Variants in ITGA3 observed in about 807,000 individuals in gnomAD.
ITGA3 encodes the protein integrin subunit alpha 3, also known as integrin alpha-3.
ITGA3 carries 70 observed loss-of-function variants against 131.1 expected under a neutral mutation model. That is an observed-to-expected ratio of 0.53 (90% CI 0.44 to 0.65). ITGA3 has a LOEUF of 0.65. ITGA3 is among the 30% of genes least tolerant of loss of function. The pLI is 0.00. For missense variants in ITGA3, 1,098 were observed against 1,388.6 expected, an observed-to-expected ratio of 0.79 and a Z score of 3.33; for synonymous variants, 537 against 571.6, an observed-to-expected ratio of 0.94 and a Z score of 0.86.
At chr17:50,057,298 C>G (rs1907876540) in intron 1 of ITGA3, among the ~76,000 whole-genome samples, 1 of 152,232 alleles carries the variant, frequency 6.6e-6, no homozygotes, top group South Asian at 2.1e-4. Flanking sequence ...CAGTGGCACT[C>G]TCCCCGCAGA....
intron 23 of ITGA3, among the ~76,000 whole-genome samples, chr17:50,084,062 C>T (rs529586791): frequency 2.2e-3 from 333 of 151,224 alleles, no homozygotes; most frequent in African/African-American, 7.6e-3. Flanking sequence ...GGTGAAACCC[C>T]ATCTGTATTA....
At chr17:50,060,554 C>T (rs929090079) in intron 1 of ITGA3, among the ~76,000 whole-genome samples, 3 of 152,240 alleles carry the variant, frequency 2.0e-5, no homozygotes, top group Middle Eastern at 3.4e-3. Context: ...CAAGGGGCTC[C>T]GCAGAGGCCA....
Position 50,076,328 on chromosome 17 carries a change from C to A in ITGA3, c.1677C>A (p.Asp559Glu). The part of the protein sequence containing the change: ...RCQKLELLLM[D>E]NLRDKLRPII... ...CTCAGCTCACCCTCTCTCCCCAGGA[C>A]AACCTCCGTGACAAACTCCGCCCCA... The change falls in exon 13 of 26, where the codon GAC (aspartate) becomes GAA (glutamate). Residue 559 changes from aspartate (D) to glutamate (E), a missense_variant and splice_region_variant. Asp to Glu is a conservative substitution (Grantham distance 45). Coordinates refer to ENST00000320031, the MANE Select transcript of ITGA3 (RefSeq NM_002204.4). The A allele has an allele frequency of 6.2e-7, 1 of 1,613,310 alleles. No individual in the cohort carries two copies. The highest frequency in any genetic ancestry group is 8.5e-7 in the Non-Finnish European group (1 of 1,179,754).
intron 23 of ITGA3, among the ~76,000 whole-genome samples, chr17:50,085,542 T>C (rs111335678): frequency 1.3e-5 from 2 of 151,608 alleles, no homozygotes; most frequent in East Asian, 3.9e-4. Context: ...TGGGCACCTG[T>C]AATCTCAGAA....
intron 4 of ITGA3, among the ~76,000 whole-genome samples, chr17:50,068,559 G>GAAGCGGAGGCTCACT (rs1908445622): frequency 2.0e-5 from 3 of 151,838 alleles, no homozygotes; most frequent in Admixed American, 6.6e-5. Flanking sequence ...GGAGTGCAGT[G>GAAGCGGAGGCTCACT]GCACATTCAT....
intron 1 of ITGA3, 191 bp from the exon 2 acceptor site, chr17:50,063,886 A>G: frequency 5.7e-6 from 4 of 696,696 alleles, no homozygotes; most frequent in Non-Finnish European, 9.3e-6. Context: ...CCTGCTTCCC[A>G]CTCCCGGGGC....
chr17:50,075,357 C>CA (rs1908831729), intron 10 of ITGA3, 102 bp from the exon 11 acceptor site: 2 of 1,238,248 alleles, frequency 1.6e-6, no homozygotes, highest in Non-Finnish European at 2.4e-6. Context: ...TGCCTCTCTC[C>CA]AGAAGGGCCT....
At chr17:50,068,988 C>G (rs1210707758) in intron 4 of ITGA3, among the ~76,000 whole-genome samples, 2 of 151,962 alleles carry the variant, frequency 1.3e-5, no homozygotes, top group African/African-American at 4.8e-5. Flanking sequence ...GCTGGGACTA[C>G]AGGTGCCCGC....
In ITGA3 at chr17:50,071,393, G is replaced by A. The variant is rs746833221; in HGVS notation, c.834G>A (p.Met278Ile). 16 of 1,614,190 alleles carry A rather than the reference G, an allele frequency of 9.9e-6. No individual in the cohort carries two copies. In the South Asian group the frequency reaches 1.8e-4, roughly 18 times the overall value. ...IVTGAPRHRH[M>I]GAVFLLSQEA... ...CAGGTGCCCCACGGCACCGACATATGGGCGCGGTGTTCTTGCTGAGCCAGG... is the reference window on the plus strand; with the variant it reads ...CAGGTGCCCCACGGCACCGACATATAGGCGCGGTGTTCTTGCTGAGCCAGG... Residue 278 changes from methionine (M) to isoleucine (I), a missense_variant, in exon 6 of 26, where the codon ATG (methionine) becomes ATA (isoleucine). Coordinates refer to ENST00000320031, the MANE Select transcript of ITGA3 (RefSeq NM_002204.4).
intron 6 of ITGA3, 78 bp downstream of exon 6, chr17:50,071,596 G>A: frequency 7.5e-7 from 1 of 1,327,278 alleles, no homozygotes; most frequent in Non-Finnish European, 1.0e-6. Flanking sequence ...GGTGAGGGGA[G>A]TGGAGGATTT....
chr17:50,088,359 C>A lies in ITGA3; in HGVS notation c.*24C>A. 6.5e-7 allele frequency: 1 copy of A among 1,541,082 alleles called. No homozygotes were observed. Among genetic ancestry groups the A allele is most frequent in the Non-Finnish European group, 8.8e-7 (1 of 1,137,100 alleles). ...GAGGGGGCAGCCCCCCGCCCCCGGC[C>A]CACCTGGGTAACACGGCCTCCGGGC... On this transcript the variant is annotated 3_prime_UTR_variant, in exon 25 of 26. Coordinates refer to ENST00000320031, the MANE Select transcript of ITGA3 (RefSeq NM_002204.4).
rs184466549 is a variant in ITGA3 at position 50,071,908 on chromosome 17, G to A, written c.960-78G>A. ...TTGCAGAGCCCTGTGCCCTGGCACA[G>A]TCACACCTGTCAAACAAGAACTATG... On this transcript the variant is annotated intron_variant, in intron 6 of 25. Transcript: ENST00000320031. 13 of 1,341,360 alleles carry A rather than the reference G, an allele frequency of 9.7e-6. No individual in the cohort carries two copies. The Admixed American group carries it at 9.7e-5, about 10-fold the overall frequency. 83.1% of individuals were successfully genotyped at this position (1,341,360 alleles called of 1,614,324 possible).
At chr17:50,084,938 C>A (rs1438152437) in intron 23 of ITGA3, among the ~76,000 whole-genome samples, 1 of 152,062 alleles carries the variant, frequency 6.6e-6, no homozygotes, top group Non-Finnish European at 1.5e-5. Context: ...AGAGACCGGG[C>A]GTGGTGGCTC....
chr17:50,081,504 G>A (rs908077937), intron 23 of ITGA3, 96 bp downstream of exon 23: 3 of 921,462 alleles, frequency 3.3e-6, no homozygotes, highest in African/African-American at 1.6e-5. Context: ...CAGCCATATG[G>A]TTCTCAATCT....
In ITGA3 at chr17:50,080,137, A is replaced by T. The variant is rs2301625; in HGVS notation, c.2707-125A>T. On this transcript the variant is annotated intron_variant, in intron 21 of 25. Coordinates refer to ENST00000320031, the MANE Select transcript of ITGA3 (RefSeq NM_002204.4). ...GGGGACGTGTGCATGAGTGAAAGGA[A>T]GTCAGACCCCTTTGGGTCACCCAGG... is the stretch of plus-strand genomic sequence containing the variant. 0.12 allele frequency: 72,346 copies of T among 585,050 alleles called. 6,028 individuals are homozygous for T. The highest frequency in any genetic ancestry group is 0.32 in the East Asian group (10,676 of 33,568). 36.2% of individuals were successfully genotyped at this position (585,050 alleles called of 1,614,324 possible).
At chr17:50,068,833 TATTTA>T (rs1448973474) in intron 4 of ITGA3, among the ~76,000 whole-genome samples, 1 of 138,542 alleles carries the variant, frequency 7.2e-6, no homozygotes, top group African/African-American at 2.5e-5. Flanking sequence ...TTTATTTATT[TATTTA>T]TTTATTTATT....
Position 50,077,009 on chromosome 17 carries a change from T to C in ITGA3, c.1958T>C (p.Leu653Pro), listed in dbSNP as rs750130370. ...QYSRDVRKLL[L>P]SINVTNTRTS... ...AGCAGAGACGTCCGGAAATTGCTCC[T>C]GAGCATCAACGTGACGAACACCCGG... The change falls in exon 15 of 26, where the codon CTG becomes CCG. Residue 653 changes from leucine to proline, a missense_variant. Leu to Pro is a moderately conservative substitution (Grantham distance 98, BLOSUM62 -3). This residue lies in a region of ITGA3 where 699 missense variants were observed against 829.2 expected (regional missense o/e 0.84). Transcript: ENST00000320031. 6.2e-7 allele frequency: 1 copy of C among 1,611,504 alleles called. No homozygotes were observed. Among genetic ancestry groups the C allele is most frequent in the South Asian group, 1.1e-5 (1 of 90,934 alleles).
At chr17:50,075,421 C>G (rs563935185) in intron 10 of ITGA3, 38 bp from the exon 11 acceptor site, 3 of 1,606,430 alleles carry the variant, frequency 1.9e-6, no homozygotes, top group African/African-American at 2.7e-5. Context: ...ACGTGTGTGT[C>G]CCACTGTGAC....
rs1425737757 is a variant in ITGA3 at position 50,077,725 on chromosome 17, GCTT to G, written c.2139+282_2139+284del. On this transcript the variant is annotated intron_variant, in intron 16 of 25. Coordinates refer to ENST00000320031, the MANE Select transcript of ITGA3 (RefSeq NM_002204.4). The stretch of plus-strand genomic sequence containing the variant: ...TGCCAGCCCCTGAGCCCAACACTGT[GCTT>G]CTTTGATATGATATAATTCTCACAG... 2.0e-5 allele frequency among the ~76,000 whole-genome samples: 3 copies of G among 152,196 alleles called. No homozygotes were observed. The East Asian group carries it at 5.8e-4, about 29-fold the overall frequency.
Sources: allele counts gnomAD v4.1 joint callset (sites outside exome capture counted in the v4.1 genomes callset), GRCh38; gene constraint gnomAD v4.1.1; regional missense constraint gnomAD v4.1.1; transcripts MANE v1.5; gene names NCBI Gene and HGNC (gene_info 2026-07-23, HGNC 2026-07-21).